Variants in ELAC2 observed in about 807,000 individuals in gnomAD.
ELAC2 encodes the protein elaC ribonuclease Z 2, also known as zinc phosphodiesterase ELAC protein 2.
ELAC2 carries 92 observed loss-of-function variants against 105.2 expected under a neutral mutation model. That is an observed-to-expected ratio of 0.87 (90% confidence interval 0.74 to 1.04). The LOEUF (loss-of-function observed/expected upper bound fraction) is 1.04. Among genes scored for constraint, ELAC2 ranks in the 50% least tolerant of loss-of-function variants. ELAC2 has a pLI of 0.00. For synonymous variants in ELAC2, 468 were observed against 409.1 expected (o/e 1.14, Z -1.74); for missense variants, 1,099 against 1,071.7 (o/e 1.03, Z -0.36).
intron 10 of ELAC2, 43 bp downstream of exon 10, chr17:13,005,710 A>G: frequency 6.3e-7 from 1 of 1,598,792 alleles, no homozygotes; most frequent in East Asian, 2.2e-5. Flanking sequence ...AGCATTTCAG[A>G]CCCTACCTGT....
intron 4 of ELAC2, among the ~76,000 whole-genome samples, chr17:13,015,487 T>G (rs2143683485): frequency 6.6e-6 from 1 of 152,372 alleles, no homozygotes; most frequent in South Asian, 2.1e-4. Context: ...TAAAGTGATT[T>G]AGTGCTTTAT....
chr17:13,016,371 T>A (rs749118457), intron 3 of ELAC2, among the ~76,000 whole-genome samples: 21 of 152,284 alleles, frequency 1.4e-4, no homozygotes, highest in South Asian at 8.3e-4. Flanking sequence ...CAAATCTCTG[T>A]CCCCGCAACG....
chr17:12,998,371 G>T, intron 16 of ELAC2, 41 bp downstream of exon 16: 1 of 1,578,942 alleles, frequency 6.3e-7, no homozygotes, highest in South Asian at 1.1e-5. Flanking sequence ...AAAAGTAAAC[G>T]TGCCCTTGAT....
intron 3 of ELAC2, 100 bp from the exon 4 acceptor site, chr17:13,015,932 A>C: frequency 4.6e-5 from 42 of 913,354 alleles, no homozygotes; most frequent in Non-Finnish European, 7.3e-5. Flanking sequence ...CTACATCTCC[A>C]CCTTCCAGCT....
At position 13,002,425 on chromosome 17, in the gene ELAC2, C is replaced by G. The variant is rs201351764; in HGVS notation, c.1218+16G>C. On this transcript the variant is annotated intron_variant, in intron 13 of 23. Transcript: ENST00000338034. ...GACGAGAGCTGGGCCGACAAGGGGCCGGTCTGAGACACTACCTTACAGCGG... is the reference window on the plus strand; with the variant it reads ...GACGAGAGCTGGGCCGACAAGGGGCGGGTCTGAGACACTACCTTACAGCGG... 2 of 1,613,660 alleles carry G rather than the reference C, an allele frequency of 1.2e-6. No homozygotes were observed. Among genetic ancestry groups the G allele is most frequent in the African/African-American group, 1.3e-5 (1 of 75,016 alleles).
chr17:13,011,829 T>C (rs1294700684), intron 6 of ELAC2, 47 bp from the exon 7 acceptor site: 1 of 1,613,918 alleles, frequency 6.2e-7, no homozygotes, highest in Non-Finnish European at 8.5e-7. Context: ...CAAGGTGAGC[T>C]GACAGCCAAG....
At chr17:13,015,716 G>T (rs1472696211) in intron 4 of ELAC2, 52 bp downstream of exon 4, 25 of 1,492,122 alleles carry the variant, frequency 1.7e-5, no homozygotes, top group Non-Finnish European at 2.2e-5. Context: ...TCTTGTTACT[G>T]ATATTACAAA....
In ELAC2 at chr17:13,017,999, T is replaced by A; in HGVS notation, c.-52A>T. ...AGCCGCCGGTCACCTACGCCCGCGT[T>A]TCCCGTGCACCACCTAGCCGCTCCG... On this transcript the variant is annotated 5_prime_UTR_variant, in exon 1 of 24. Coordinates refer to ENST00000338034, the MANE Select transcript of ELAC2 (RefSeq NM_018127.7). 1 of 1,533,792 alleles carries A rather than the reference T, an allele frequency of 6.5e-7. No homozygotes were observed. Among genetic ancestry groups the A allele is most frequent in the Non-Finnish European group, 8.7e-7 (1 of 1,146,552 alleles).
chr17:12,996,033 G>C (rs962053201), intron 17 of ELAC2, 55 bp from the exon 18 acceptor site: 46 of 1,551,112 alleles, frequency 3.0e-5, no homozygotes, highest in South Asian at 7.1e-5. Flanking sequence ...ATCCCCTCCG[G>C]GTTAGGGTCT....
At chr17:13,017,421 G>T in intron 1 of ELAC2, 1 of 646,066 alleles carries the variant, frequency 1.5e-6, no homozygotes, top group Non-Finnish European at 2.6e-6. Context: ...GCCTTGGGGT[G>T]CACGGAAGAG....
In ELAC2 at chr17:13,012,833, T is replaced by C. The variant is rs534052221; in HGVS notation, c.559+374A>G. 5.3e-5 allele frequency among the ~76,000 whole-genome samples: 8 copies of C among 152,282 alleles called. No homozygotes were observed. In the East Asian group the frequency reaches 1.5e-3, roughly 29 times the overall value. On this transcript the variant is annotated intron_variant, in intron 6 of 23. Transcript: ENST00000338034. ...CCCAACAACACTTCTTTTAGGTTGC[T>C]GTAATCATTATTTATTTAAAAAAAT...
rs1427748492 is a variant in ELAC2 at position 12,994,949 on chromosome 17, G to C, written c.1908+14C>G. Reference sequence around the variant, plus strand: ...CCACCTCGCCCCCATGATGCCTGCGGCTGTGCCCCTTACCTCTTCCAAATC... The same window carrying C: ...CCACCTCGCCCCCATGATGCCTGCGCCTGTGCCCCTTACCTCTTCCAAATC... On this transcript the variant is annotated intron_variant, in intron 20 of 23. Transcript: ENST00000338034. The C allele has an allele frequency of 8.1e-6, 13 of 1,614,042 alleles. No homozygotes were observed. Among genetic ancestry groups the C allele is most frequent in the African/African-American group, 1.3e-5 (1 of 74,950 alleles).
chr17:13,017,586 G>A, intron 1 of ELAC2, 117 bp downstream of exon 1: 2 of 1,542,544 alleles, frequency 1.3e-6, no homozygotes, highest in Non-Finnish European at 8.8e-7. Context: ...ACGAACCCCC[G>A]CAACAGTGAA....
Position 12,996,682 on chromosome 17 carries a change from G to A in ELAC2, c.1524C>T (p.Pro508=), listed in dbSNP as rs746298894. 63 of 1,613,214 alleles carry A rather than the reference G, an allele frequency of 3.9e-5. No individual in the cohort carries two copies. The Middle Eastern group carries it at 5.0e-4, about 13-fold the overall frequency. Residue 508 remains proline (P), a synonymous_variant, in exon 17 of 24, where the codon CCC becomes CCT. Transcript: ENST00000338034. ...NVSATLVNIS[P]DTSLLLDCGE... is the part of the protein sequence containing the mutation. ...CACAGTCCAGTAGCAGAGACGTGTC[G>A]GGGCTGCAGAAGAGAAGAGGAAGAG...
In ELAC2 at chr17:13,017,695, T is replaced by C. The variant is rs1363315755; in HGVS notation, c.245+8A>G. The C allele has an allele frequency of 1.2e-6, 2 of 1,613,174 alleles. No individual in the cohort carries two copies. Among genetic ancestry groups the C allele is most frequent in the South Asian group, 2.2e-5 (2 of 91,020 alleles). On this transcript the variant is annotated splice_region_variant and intron_variant, in intron 1 of 23. Transcript: ENST00000338034. ...CCCAGCGGGACGGGGCGTGGCTCGTTGACTGACCGGTTGAACTCGGAGAAG... is the reference window on the plus strand; with the variant it reads ...CCCAGCGGGACGGGGCGTGGCTCGTCGACTGACCGGTTGAACTCGGAGAAG...
rs759074402 is a variant in ELAC2, at chr17:13,017,619, C to T, written c.245+84G>A. The T allele has an allele frequency of 1.3e-4, 204 of 1,599,732 alleles. 1 individual carries two copies. Among genetic ancestry groups the T allele is most frequent in the Admixed American group, 2.4e-4 (14 of 58,616 alleles). On this transcript the variant is annotated intron_variant, in intron 1 of 23. Transcript: ENST00000338034. The stretch of plus-strand genomic sequence containing the variant: ...GAACCACATGTGTGAAGCAGGGAAG[C>T]CGAAGCCCTGGGAGGTGCCCCGATG...
intron 8 of ELAC2, among the ~76,000 whole-genome samples, chr17:13,009,982 C>T (rs1464504485): frequency 1.1e-5 from 1 of 90,162 alleles, no homozygotes; most frequent in Non-Finnish European, 2.3e-5. Context: ...TGGAGACAGA[C>T]ATGGTCTCAA....
In ELAC2 at chr17:12,992,743, G is replaced by A; in HGVS notation, c.*75C>T. On this transcript the variant is annotated 3_prime_UTR_variant, in exon 24 of 24. Coordinates refer to ENST00000338034, the MANE Select transcript of ELAC2 (RefSeq NM_018127.7). Reference sequence around the variant, plus strand: ...GGACCGTGCTCTTCAGCTTCTACCAGCAAGGAGGGCAGATACGGGTGCGTG... The same window carrying A: ...GGACCGTGCTCTTCAGCTTCTACCAACAAGGAGGGCAGATACGGGTGCGTG... 6.4e-7 allele frequency: 1 copy of A among 1,560,256 alleles called. No individual in the cohort carries two copies. Among genetic ancestry groups the A allele is most frequent in the Non-Finnish European group, 8.8e-7 (1 of 1,135,242 alleles).
chr17:13,016,400 G>C lies in ELAC2; in HGVS notation c.367+462C>G, dbSNP rs192095976. On this transcript the variant is annotated intron_variant, in intron 3 of 23. Transcript: ENST00000338034. The stretch of plus-strand genomic sequence containing the variant: ...CGCAACGCAAGAAACTAAGTGGATG[G>C]TAACACTTAAGAGGTGGTATCCATA... Among the ~76,000 whole-genome samples, 562 of 152,310 alleles carry C rather than the reference G, an allele frequency of 3.7e-3. 4 individuals carry two copies. Among genetic ancestry groups the C allele is most frequent in the Middle Eastern group, 0.014 (4 of 294 alleles).
Sources: gnomAD v4.1 joint callset for allele counts (sites outside exome capture counted in the v4.1 genomes callset) on GRCh38, gnomAD v4.1.1 for gene constraint, MANE v1.5 for transcripts, NCBI Gene and HGNC (gene_info 2026-07-23, HGNC 2026-07-21) for gene names.